PHF20: variants seen among roughly 807,000 people sequenced by gnomAD.
PHF20 encodes glioma-expressed antigen 2.
In PHF20, 23 loss-of-function variants were observed where a neutral mutation model predicts 113.5. The ratio of observed to expected loss-of-function variants is 0.20; its 90% CI spans 0.15 to 0.29. The LOEUF (loss-of-function observed/expected upper bound fraction) is 0.29. PHF20 is among the 10% of genes least tolerant of loss of function. PHF20 has a pLI of 1.00. For synonymous variants in PHF20, 434 were observed against 457.3 expected (o/e 0.95, Z 0.65); for missense variants, 943 against 1,219.6 (o/e 0.77, Z 3.38).
rs145201407 is a variant in PHF20 at position 35,927,143 on chromosome 20, G to T, written c.2005-637G>T. ...AGTGGAGCCTTGGGTTGAAAGAACT[G>T]GTTTAGCAACGAGTCAGGTTATGTT... On this transcript the variant is annotated intron_variant, in intron 13 of 17. Coordinates refer to ENST00000374012, the MANE Select transcript of PHF20 (RefSeq NM_016436.5). Among the ~76,000 whole-genome samples, 11 of 152,242 alleles carry T rather than the reference G, an allele frequency of 7.2e-5. No individual in the cohort carries two copies. In the East Asian group the frequency reaches 2.1e-3, roughly 29 times the overall value.
chr20:35,886,280 A>T (rs1410102966), intron 9 of PHF20, among the ~76,000 whole-genome samples: 1 of 151,818 alleles, frequency 6.6e-6, no homozygotes, highest in East Asian at 1.9e-4. Context: ...CTGGGATTAC[A>T]GGTGCCCACC....
intron 6 of PHF20, among the ~76,000 whole-genome samples, chr20:35,864,772 T>C (rs2054284991): frequency 6.6e-6 from 1 of 152,170 alleles, no homozygotes; most frequent in Non-Finnish European, 1.5e-5. Flanking sequence ...TCTAGTATGG[T>C]AGCCACTAGC....
At chr20:35,835,030 A>G (rs950364256) in intron 2 of PHF20, among the ~76,000 whole-genome samples, 2 of 152,110 alleles carry the variant, frequency 1.3e-5, no homozygotes, top group African/African-American at 4.8e-5. Flanking sequence ...TAATCCCAGC[A>G]CTTTGGGAGG....
intron 1 of PHF20, among the ~76,000 whole-genome samples, chr20:35,772,763 G>C (rs2041089722): frequency 6.6e-6 from 1 of 151,996 alleles, no homozygotes; most frequent in Non-Finnish European, 1.5e-5. Context: ...CCAATTTAGA[G>C]GTTCACCCTG....
chr20:35,873,343 T>C (rs2054456846), intron 9 of PHF20, among the ~76,000 whole-genome samples: 1 of 151,972 alleles, frequency 6.6e-6, no homozygotes, highest in South Asian at 2.1e-4. Flanking sequence ...ACAGGTGATC[T>C]GCCCACCTCG....
chr20:35,911,825 A>C (rs2055310318), intron 10 of PHF20, among the ~76,000 whole-genome samples: 1 of 151,266 alleles, frequency 6.6e-6, no homozygotes, highest in Non-Finnish European at 1.5e-5. Context: ...CGCCTGACTA[A>C]TTTTTATATT....
rs74417857 is a variant in PHF20, at chr20:35,802,276, C to A, written c.83+671C>A. Among the ~76,000 whole-genome samples, 720 of 152,022 alleles carry A rather than the reference C, an allele frequency of 4.7e-3. 2 individuals carry two copies. The highest frequency in any genetic ancestry group is 0.016 in the African/African-American group (664 of 41,476). On this transcript the variant is annotated intron_variant, in intron 2 of 17. Transcript: ENST00000374012. ...AAGTGATTGTTGTGGTTGAGGGCAT[C>A]CTAGAATTTGGTCATTTTTTGGTGC...
chr20:35,842,780 A>C, intron 3 of PHF20, 36 bp downstream of exon 3: 1 of 1,586,518 alleles, frequency 6.3e-7, no homozygotes, highest in South Asian at 1.1e-5. Flanking sequence ...GTAGTATGCA[A>C]GGTCAGCCAT....
chr20:35,916,203 A>G (rs555173120), intron 12 of PHF20, among the ~76,000 whole-genome samples: 1 of 152,402 alleles, frequency 6.6e-6, no homozygotes, highest in South Asian at 2.1e-4. Context: ...GCTGACAGAC[A>G]CAAAGTATTT....
chr20:35,786,515 A>G (rs1214308474), intron 1 of PHF20, among the ~76,000 whole-genome samples: 1 of 152,124 alleles, frequency 6.6e-6, no homozygotes, highest in Admixed American at 6.6e-5. Flanking sequence ...TATGCTGGCC[A>G]ACATGGTGAA....
intron 4 of PHF20, among the ~76,000 whole-genome samples, chr20:35,857,574 T>TTTG (rs2042857794): frequency 7.6e-6 from 1 of 130,882 alleles, no homozygotes; most frequent in African/African-American, 3.3e-5. Context: ...TTTTTTTTTT[T>TTTG]TTTTTTTTTT....
At chr20:35,877,959 C>T (rs906642696) in intron 9 of PHF20, among the ~76,000 whole-genome samples, 1 of 152,140 alleles carries the variant, frequency 6.6e-6, no homozygotes, top group Non-Finnish European at 1.5e-5. Context: ...TATAAATTAA[C>T]TAGTTAAGAT....
At position 35,931,319 on chromosome 20, in the gene PHF20, A is replaced by G; in HGVS notation, c.2175A>G (p.Ala725=). The G allele has an allele frequency of 6.2e-7, 1 of 1,614,090 alleles. No homozygotes were observed. Among genetic ancestry groups the G allele is most frequent in the Non-Finnish European group, 8.5e-7 (1 of 1,180,008 alleles). ...WLSRGHMHGL[A]FLEENYSHQN... ...GCAGGGGACATATGCATGGCCTGGC[A>G]TTTCTAGAAGAGAACTACTCCCATC... Residue 725 remains alanine (A), a synonymous_variant, in exon 15 of 18, where the codon GCA becomes GCG. Coordinates refer to ENST00000374012, the MANE Select transcript of PHF20 (RefSeq NM_016436.5).
At chr20:35,808,978 T>G (rs1479036578) in intron 2 of PHF20, among the ~76,000 whole-genome samples, 1 of 151,782 alleles carries the variant, frequency 6.6e-6, no homozygotes, top group Non-Finnish European at 1.5e-5. Context: ...TTTGGCCAGA[T>G]GCAGTGGCTC....
intron 9 of PHF20, among the ~76,000 whole-genome samples, chr20:35,891,445 A>G (rs1309220620): frequency 6.6e-6 from 1 of 152,146 alleles, no homozygotes; most frequent in Non-Finnish European, 1.5e-5. Context: ...AACAAAACCA[A>G]CTGTTATACA....
intron 10 of PHF20, among the ~76,000 whole-genome samples, chr20:35,909,484 TG>T (rs2055259353): frequency 6.6e-6 from 1 of 152,082 alleles, no homozygotes; most frequent in Non-Finnish European, 1.5e-5. Context: ...TTTTTATGTT[TG>T]GGGAAGACCC....
At chr20:35,891,973 G>T (rs543601129) in intron 9 of PHF20, among the ~76,000 whole-genome samples, 1 of 152,020 alleles carries the variant, frequency 6.6e-6, no homozygotes, top group Admixed American at 6.5e-5. Context: ...GGGTTCAAGC[G>T]ATTCACCTGC....
intron 15 of PHF20, 27 bp from the exon 16 acceptor site, chr20:35,938,670 C>T: frequency 1.3e-6 from 2 of 1,572,338 alleles, no homozygotes; most frequent in Non-Finnish European, 1.7e-6. Context: ...TACTCCAAAG[C>T]CCATGTCCTC....
intron 9 of PHF20, among the ~76,000 whole-genome samples, chr20:35,873,219 G>A (rs577246744): frequency 3.3e-5 from 5 of 151,194 alleles, no homozygotes; most frequent in Non-Finnish European, 7.4e-5. Flanking sequence ...TCATGTCTCA[G>A]CCTCCCGAGT....
Sources: allele counts gnomAD v4.1 joint callset (sites outside exome capture counted in the v4.1 genomes callset), GRCh38; gene constraint gnomAD v4.1.1; transcripts MANE v1.5; gene names NCBI Gene and HGNC (gene_info 2026-07-23, HGNC 2026-07-21).